Variants in TRANK1 observed in about 807,000 individuals in gnomAD.
TRANK1 encodes the protein TPR and ankyrin repeat-containing protein 1.
A neutral mutation model predicts 266.0 loss-of-function variants in TRANK1; 198 were observed. The ratio of observed to expected loss-of-function variants is 0.74; its 90% CI spans 0.66 to 0.84. TRANK1 has a LOEUF of 0.84. TRANK1 is among the 40% of genes least tolerant of loss of function. TRANK1 has a pLI of 0.00. For synonymous variants in TRANK1, 1,396 were observed against 1,384.1 expected (o/e 1.01, Z -0.19); for missense variants, 3,326 against 3,634.6 (o/e 0.92, Z 2.18).
Position 36,857,761 on chromosome 3 carries a change from C to T in TRANK1, c.1961G>A (p.Arg654Lys), listed in dbSNP as rs1257218975. The part of the protein sequence containing the change: ...AWNKALMENR[R>K]RSRQDSAAHL... ...GGCAGCAGAGTCCTGCCGGCTCCTCCTCCTGTTCTCCATCAGAGCTTTGTT... is the reference window on the plus strand; with the variant it reads ...GGCAGCAGAGTCCTGCCGGCTCCTCTTCCTGTTCTCCATCAGAGCTTTGTT... The change falls in exon 13 of 24, where the codon AGG becomes AAG. Residue 654 changes from arginine (R) to lysine (K), a missense_variant. Coordinates refer to ENST00000645898, the MANE Select transcript of TRANK1 (RefSeq NM_001329998.2). This position sits in a 1 kb window ranked among gnomAD's most constrained non-coding sequence, Gnocchi z 4.3. 1 of 1,613,900 alleles carries T rather than the reference C, an allele frequency of 6.2e-7. No homozygotes were observed. The highest frequency in any genetic ancestry group is 2.2e-5 in the East Asian group (1 of 44,894).
In TRANK1 at chr3:36,831,407, CCCT is replaced by C. The variant is rs780273100; in HGVS notation, c.8173_8175del (p.Arg2725del). ...ATGCACAGAGACACCACCAGGCATG[CCCT>C]CCTCAACTTCCGCTGTATGGAGGCC... On this transcript the variant is annotated inframe_deletion, in exon 22 of 24. Coordinates refer to ENST00000645898, the MANE Select transcript of TRANK1 (RefSeq NM_001329998.2). The surrounding 1 kb of genome is among the most constrained non-coding windows in gnomAD (Gnocchi z 5.0). 1.2e-6 allele frequency: 2 copies of C among 1,612,540 alleles called. No homozygotes were observed. The highest frequency in any genetic ancestry group is 1.6e-4 in the Middle Eastern group (1 of 6,084).
intron 3 of TRANK1, among the ~76,000 whole-genome samples, chr3:36,901,071 C>A (rs567230522): frequency 7.3e-4 from 108 of 148,366 alleles, no homozygotes; most frequent in African/African-American, 2.4e-3. Flanking sequence ...GATAATCTCC[C>A]ATTTCTTTGC....
intron 17 of TRANK1, among the ~76,000 whole-genome samples, chr3:36,843,787 G>C (rs756111676): frequency 2.0e-5 from 3 of 152,180 alleles, no homozygotes; most frequent in Admixed American, 2.0e-4. Flanking sequence ...GATTTGTTTA[G>C]AAGGTGCAAA....
intron 15 of TRANK1, chr3:36,851,505 A>G: frequency 8.0e-7 from 1 of 1,250,800 alleles, no homozygotes; most frequent in Non-Finnish European, 1.0e-6. Flanking sequence ...GCACAGGGGG[A>G]ACTAGCCCAT....
intron 3 of TRANK1, among the ~76,000 whole-genome samples, chr3:36,901,309 T>C (rs1173958214): frequency 6.6e-6 from 1 of 152,036 alleles, no homozygotes; most frequent in Non-Finnish European, 1.5e-5. Context: ...CCCAGGGAAG[T>C]TTTATGGCCA....
intron 1 of TRANK1, among the ~76,000 whole-genome samples, chr3:36,943,919 T>C (rs2080533358): frequency 2.0e-5 from 3 of 152,166 alleles, no homozygotes; most frequent in Admixed American, 1.3e-4. Context: ...CACACTTCCA[T>C]AAAAATTTTC....
intron 1 of TRANK1, among the ~76,000 whole-genome samples, chr3:36,926,016 T>C (rs1199276913): frequency 6.6e-6 from 1 of 152,176 alleles, no homozygotes; most frequent in African/African-American, 2.4e-5. Context: ...TAGTATACAA[T>C]TGCTATTTGC....
intron 3 of TRANK1, among the ~76,000 whole-genome samples, chr3:36,902,055 GGAA>G (rs2079891146): frequency 6.6e-6 from 1 of 152,154 alleles, no homozygotes; most frequent in Admixed American, 6.5e-5. Context: ...GGGCCATATT[GGAA>G]GAAGAATTGT....
At chr3:36,830,396 T>A (rs1454059623) in intron 22 of TRANK1, among the ~76,000 whole-genome samples, 2 of 151,822 alleles carry the variant, frequency 1.3e-5, no homozygotes, top group Admixed American at 1.3e-4. Flanking sequence ...GGGTATGACT[T>A]AAAGACCCTC....
Position 36,874,112 on chromosome 3 carries a change from A to C in TRANK1, c.1078+14T>G. On this transcript the variant is annotated intron_variant, in intron 9 of 23. Transcript: ENST00000645898. ...TTTTATGCCCCCCAAAAGTTAATAC[A>C]CTGGAAGCTGTACCTGATAGGTCCT... The C allele has an allele frequency of 6.5e-7, 1 of 1,531,852 alleles. No individual in the cohort carries two copies. Among genetic ancestry groups the C allele is most frequent in the Non-Finnish European group, 8.7e-7 (1 of 1,144,532 alleles). The allele number at this position is 1,531,852 out of a possible 1,614,324, so 94.9% of individuals were successfully genotyped here. A position where few individuals can be genotyped will look rare whatever the true frequency, so the allele number is the denominator to read the frequency against.
Position 36,855,524 on chromosome 3 carries a change from G to C in TRANK1, c.4198C>G (p.Gln1400Glu). Residue 1400 changes from glutamine to glutamate, a missense_variant, in exon 13 of 24, where the codon CAA (glutamine) becomes GAA (glutamate). Gln to Glu is a conservative substitution (Grantham distance 29). Transcript: ENST00000645898. ...AAATAACCTTTCTGGGACCTGATTT[G>C]CTGATACAGACTGAAGAGGCTGTAG... ...EIYSLFSLYQ[Q>E]IRSQKGYFDE... 1 of 1,613,940 alleles carries C rather than the reference G, an allele frequency of 6.2e-7. No homozygotes were observed. The highest frequency in any genetic ancestry group is 8.5e-7 in the Non-Finnish European group (1 of 1,179,886).
At chr3:36,854,767 T>C (rs1359073228) in intron 13 of TRANK1, among the ~76,000 whole-genome samples, 2 of 145,232 alleles carry the variant, frequency 1.4e-5, no homozygotes, top group Non-Finnish European at 3.0e-5. Flanking sequence ...CCACCCTCCC[T>C]TTTTTTTTTT....
intron 1 of TRANK1, among the ~76,000 whole-genome samples, chr3:36,929,968 A>G (rs2080339638): frequency 6.6e-6 from 1 of 151,988 alleles, no homozygotes; most frequent in Non-Finnish European, 1.5e-5. Context: ...GTGCAATGGC[A>G]CAATCTCAGC....
rs1216551533 is a variant in TRANK1, at chr3:36,892,903, CAA to C, written c.632_633del (p.Phe211Ter). 6.9e-7 allele frequency: 1 copy of C among 1,453,506 alleles called. No homozygotes were observed. Among genetic ancestry groups the C allele is most frequent in the African/African-American group, 1.4e-5 (1 of 69,512 alleles). The allele number at this position is 1,453,506 out of a possible 1,614,324, so 90.0% of individuals were successfully genotyped here. On this transcript the variant is annotated frameshift_variant, in exon 6 of 24. Transcript: ENST00000645898. LOFTEE classifies it high-confidence loss of function. The part of the protein sequence containing the change: ...HVPELSLKSL[F>X]EKYVFIGLYE... Reference sequence around the variant, plus strand: ...TATAGATATATATATCACCTTACCTCAAAGAGACTTTTCAGTGATAACTCTGG... The same window carrying C: ...TATAGATATATATATCACCTTACCTCAGAGACTTTTCAGTGATAACTCTGG...
chr3:36,829,153 G>T (rs1041400675), intron 23 of TRANK1, among the ~76,000 whole-genome samples: 1 of 152,156 alleles, frequency 6.6e-6, no homozygotes, highest in African/African-American at 2.4e-5. Context: ...ATCCCCAGGC[G>T]CAGAACAACA....
intron 1 of TRANK1, among the ~76,000 whole-genome samples, chr3:36,928,129 C>T (rs1468850166): frequency 1.3e-5 from 2 of 152,128 alleles, no homozygotes; most frequent in East Asian, 1.9e-4. Flanking sequence ...CACATAAATA[C>T]ATTAATTTTA....
chr3:36,903,139 C>T lies in TRANK1; in HGVS notation c.282+10G>A, dbSNP rs2079908372. The T allele has an allele frequency of 5.9e-6, 9 of 1,536,626 alleles. 1 individual carries two copies. In the South Asian group the frequency reaches 1.1e-4, roughly 18 times the overall value. On this transcript the variant is annotated intron_variant, in intron 3 of 23. Coordinates refer to ENST00000645898, the MANE Select transcript of TRANK1 (RefSeq NM_001329998.2). ...TCATCTCCCCACACCTTCACCCTCC[C>T]ACCCCATACCTTCACGTAGGTTGGA...
intron 9 of TRANK1, among the ~76,000 whole-genome samples, chr3:36,865,543 T>C (rs1341568159): frequency 1.3e-5 from 2 of 152,114 alleles, no homozygotes; most frequent in Non-Finnish European, 2.9e-5. Flanking sequence ...AATATCTTTT[T>C]CATTCAAGTT....
At position 36,855,381 on chromosome 3, in the gene TRANK1, C is replaced by A. The variant is rs749365467; in HGVS notation, c.4341G>T (p.Leu1447=). 3 of 1,614,052 alleles carry A rather than the reference C, an allele frequency of 1.9e-6. No homozygotes were observed. The East Asian group carries it at 6.7e-5, about 36-fold the overall frequency. The change falls in exon 13 of 24, where the codon CTG becomes CTT. Residue 1447 remains leucine, a synonymous_variant. Transcript: ENST00000645898. Reference sequence around the variant, plus strand: ...CATTGATGCATTTCATCAGCAGCGCCAGCTCGGCCTGGGTAAAGTCTTGAA... The same window carrying A: ...CATTGATGCATTTCATCAGCAGCGCAAGCTCGGCCTGGGTAAAGTCTTGAA... ...DEIQDFTQAE[L]ALLMKCINDP...
Sources: gnomAD v4.1 joint callset for allele counts (sites outside exome capture counted in the v4.1 genomes callset) on GRCh38, gnomAD v4.1.1 for gene constraint, Gnocchi (gnomAD v3.1) non-coding constraint, MANE v1.5 for transcripts, NCBI Gene and HGNC (gene_info 2026-07-23, HGNC 2026-07-21) for gene names.